LUC7L2: variants seen among roughly 807,000 people sequenced by gnomAD.
LUC7L2 encodes putative RNA-binding protein Luc7-like 2.
Under a neutral mutation model 52.8 loss-of-function variants are expected in LUC7L2, and 25 were observed. The observed-to-expected ratio is 0.47, with a 90% CI of 0.34 to 0.66. The LOEUF (loss-of-function observed/expected upper bound fraction) is 0.66. Among genes scored for constraint, LUC7L2 ranks in the 30% least tolerant of loss-of-function variants. The probability of loss-of-function intolerance (pLI) is 0.01; values close to 1 mark genes in which losing one functional copy is unlikely to be tolerated. For synonymous variants in LUC7L2, 144 were observed against 160.9 expected, an observed-to-expected ratio of 0.89 and a Z score of 0.80; for missense variants, 328 against 497.8, an observed-to-expected ratio of 0.66 and a Z score of 3.25.
intron 2 of LUC7L2, among the ~76,000 whole-genome samples, chr7:139,394,666 T>C (rs1794584948): frequency 6.6e-6 from 1 of 152,154 alleles, no homozygotes; most frequent in Admixed American, 6.5e-5. Context: ...ATAAAGGAGA[T>C]ACGGAAGAAA....
Position 139,360,190 on chromosome 7 carries a change from C to A in LUC7L2, c.-72C>A. On this transcript the variant is annotated 5_prime_UTR_variant, in exon 1 of 10. Coordinates refer to ENST00000354926, the MANE Select transcript of LUC7L2 (RefSeq NM_016019.5). ...AGCAGCGCACCTTCCCCCATCCCTT[C>A]CCCTTATCCCCCAGCCCAAAAGGGC... is the stretch of plus-strand genomic sequence containing the variant. 1 of 1,197,602 alleles carries A rather than the reference C, an allele frequency of 8.4e-7. No homozygotes were observed. Among genetic ancestry groups the A allele is most frequent in the Non-Finnish European group, 1.2e-6 (1 of 842,348 alleles). 74.2% of individuals were successfully genotyped at this position (1,197,602 alleles called of 1,614,324 possible).
intron 2 of LUC7L2, among the ~76,000 whole-genome samples, chr7:139,388,039 A>G (rs1285920316): frequency 1.3e-5 from 2 of 152,184 alleles, no homozygotes; most frequent in East Asian, 1.9e-4. Context: ...TCTCCTCTCT[A>G]CAAATTTAAA....
At chr7:139,410,313 T>C (rs1447377121) in intron 7 of LUC7L2, among the ~76,000 whole-genome samples, 1 of 152,138 alleles carries the variant, frequency 6.6e-6, no homozygotes, top group African/African-American at 2.4e-5. Flanking sequence ...TTTTTTATGA[T>C]GTATTTTGTT....
chr7:139,365,343 CAAAG>C (rs1026269820), intron 1 of LUC7L2, among the ~76,000 whole-genome samples: 4 of 152,072 alleles, frequency 2.6e-5, no homozygotes, highest in South Asian at 2.1e-4. Context: ...ATAAGCAAAA[CAAAG>C]AAAAATCATT....
intron 2 of LUC7L2, among the ~76,000 whole-genome samples, chr7:139,382,871 C>T (rs369442601): frequency 1.3e-5 from 2 of 152,074 alleles, no homozygotes; most frequent in Non-Finnish European, 2.9e-5. Context: ...TGTTTTAAAG[C>T]CTGATCTAAA....
intron 7 of LUC7L2, among the ~76,000 whole-genome samples, chr7:139,411,524 AACTT>A (rs1795359466): frequency 6.6e-6 from 1 of 152,158 alleles, no homozygotes; most frequent in Non-Finnish European, 1.5e-5. Context: ...GAGGATATGT[AACTT>A]ACTTAGGTCA....
At chr7:139,377,168 C>G (rs1393806058) in intron 2 of LUC7L2, among the ~76,000 whole-genome samples, 1 of 152,128 alleles carries the variant, frequency 6.6e-6, no homozygotes, top group Non-Finnish European at 1.5e-5. Flanking sequence ...AGGACTGTGA[C>G]AGATAATAAA....
intron 8 of LUC7L2, chr7:139,412,942 A>G (rs1227309077): frequency 1.9e-5 from 3 of 155,390 alleles, no homozygotes; most frequent in Non-Finnish European, 4.3e-5. Flanking sequence ...TTTAGGAAAC[A>G]TGTTCTAAGA....
intron 1 of LUC7L2, among the ~76,000 whole-genome samples, chr7:139,350,060 T>C (rs6962186): frequency 0.39 from 59,189 of 152,088 alleles, 16,096 homozygotes; most frequent in African/African-American, 0.78. Context: ...TAAATGCAGC[T>C]ATACAGTATG....
rs566390970 is a variant in LUC7L2, at chr7:139,394,420, G to A, written c.157-4179G>A. ...CAAAAAGTCCACCTCTACTATAGTG[G>A]TAAAATTGTATCTTTCTTGTGTTCA... is the stretch of plus-strand genomic sequence containing the variant. On this transcript the variant is annotated intron_variant, in intron 2 of 9. Coordinates refer to ENST00000354926, the MANE Select transcript of LUC7L2 (RefSeq NM_016019.5). 2.0e-5 allele frequency among the ~76,000 whole-genome samples: 3 copies of A among 152,266 alleles called. No homozygotes were observed. In the East Asian group the frequency reaches 5.8e-4, roughly 29 times the overall value.
intron 1 of LUC7L2, among the ~76,000 whole-genome samples, chr7:139,351,107 T>C (rs1046100837): frequency 6.6e-6 from 1 of 152,216 alleles, no homozygotes; most frequent in African/African-American, 2.4e-5. Context: ...CCCTGAGTGA[T>C]CACCTCCACT....
At chr7:139,391,817 C>T (rs938752184) in intron 2 of LUC7L2, among the ~76,000 whole-genome samples, 2 of 152,090 alleles carry the variant, frequency 1.3e-5, no homozygotes, top group Non-Finnish European at 2.9e-5. Flanking sequence ...GAACTCCTGG[C>T]CTCTAGTGAT....
chr7:139,365,576 T>G (rs1800114359), intron 1 of LUC7L2, among the ~76,000 whole-genome samples: 1 of 152,124 alleles, frequency 6.6e-6, no homozygotes, highest in African/African-American at 2.4e-5. Context: ...AGCTTAAAGT[T>G]GCTGTGAGTT....
intron 1 of LUC7L2, among the ~76,000 whole-genome samples, chr7:139,365,095 A>T (rs1800086981): frequency 6.6e-6 from 1 of 152,238 alleles, no homozygotes; most frequent in Admixed American, 6.5e-5. Flanking sequence ...TAACTTTATC[A>T]GAGTTTCAGG....
At chr7:139,382,035 C>T (rs1444711301) in intron 2 of LUC7L2, among the ~76,000 whole-genome samples, 1 of 151,888 alleles carries the variant, frequency 6.6e-6, no homozygotes, top group East Asian at 1.9e-4. Context: ...CAAGGTGCGC[C>T]ACCAGGCCTG....
chr7:139,403,031 G>A lies in LUC7L2; in HGVS notation c.366+784G>A, dbSNP rs143384476. Among the ~76,000 whole-genome samples, 962 of 152,308 alleles carry A rather than the reference G, an allele frequency of 6.3e-3. 5 individuals are homozygous for A. The highest frequency in any genetic ancestry group is 0.014 in the Middle Eastern group (4 of 294). On this transcript the variant is annotated intron_variant, in intron 4 of 9. Coordinates refer to ENST00000354926, the MANE Select transcript of LUC7L2 (RefSeq NM_016019.5). ...TGGAGTGTTACATAAATGAAATCCT[G>A]TGTACGCTTTTGAGATTTGGCCTTT... is the stretch of plus-strand genomic sequence containing the variant.
chr7:139,399,636 AT>A (rs1179438352), intron 3 of LUC7L2, among the ~76,000 whole-genome samples: 1 of 151,050 alleles, frequency 6.6e-6, no homozygotes, highest in East Asian at 1.9e-4. Context: ...CACCCAGCTA[AT>A]TTTTTGTGTT....
intron 2 of LUC7L2, among the ~76,000 whole-genome samples, chr7:139,382,736 T>G (rs1801102075): frequency 6.6e-6 from 1 of 152,120 alleles, no homozygotes; most frequent in Non-Finnish European, 1.5e-5. Context: ...TTGAAGTGAT[T>G]AGATGGGATT....
At chr7:139,388,554 A>G (rs1385451492) in intron 2 of LUC7L2, among the ~76,000 whole-genome samples, 1 of 151,630 alleles carries the variant, frequency 6.6e-6, no homozygotes, top group Non-Finnish European at 1.5e-5. Flanking sequence ...TTCTGGAAAA[A>G]TGCTTGAGCT....
Sources: allele counts gnomAD v4.1 joint callset (sites outside exome capture counted in the v4.1 genomes callset), GRCh38; gene constraint gnomAD v4.1.1; transcripts MANE v1.5; gene names NCBI Gene and HGNC (gene_info 2026-07-23, HGNC 2026-07-21).